The following ARHGAP22 variants were observed in gnomAD, a reference collection of about 807,000 sequenced individuals.
The protein encoded by ARHGAP22 is rho GTPase-activating protein 22.
A neutral mutation model predicts 59.1 loss-of-function variants in ARHGAP22; 48 were observed. That is an observed-to-expected ratio of 0.81 (90% confidence interval 0.64 to 1.03). The LOEUF is 1.03. Among genes scored for constraint, ARHGAP22 ranks in the 50% least tolerant of loss-of-function variants. The probability of loss-of-function intolerance (pLI) is 0.00; values close to 1 mark genes in which losing one functional copy is unlikely to be tolerated. For synonymous variants in ARHGAP22, 445 were observed against 416.4 expected, an observed-to-expected ratio of 1.07 and a Z score of -0.84; for missense variants, 1,015 against 958.7, an observed-to-expected ratio of 1.06 and a Z score of -0.78.
At chr10:48,615,601 A>G (rs1481575515) in intron 1 of ARHGAP22, among the ~76,000 whole-genome samples, 1 of 152,218 alleles carries the variant, frequency 6.6e-6, no homozygotes, top group Non-Finnish European at 1.5e-5. Context: ...TACACAAAGT[A>G]TGGCTTATTT....
Position 48,604,836 on chromosome 10 carries a change from T to G in ARHGAP22, c.-40A>C. 1 of 1,614,090 alleles carries G rather than the reference T, an allele frequency of 6.2e-7. No homozygotes were observed. Among genetic ancestry groups the G allele is most frequent in the Admixed American group, 1.7e-5 (1 of 60,032 alleles). On this transcript the variant is annotated 5_prime_UTR_variant, in exon 1 of 10. The change abolishes an upstream ATG in the 5' untranslated region. Coordinates refer to ENST00000249601, the MANE Select transcript of ARHGAP22 (RefSeq NM_021226.4). ...CCGGCCAGCCCCGCAGGGCCGTTCA[T>G]GCTGTCATCCACTTGCTTTTGCTCG...
At chr10:48,435,068 G>A in the ARHGAP22 span, 10 of 1,455,896 alleles carry the variant, frequency 6.9e-6, no homozygotes, top group Middle Eastern at 1.9e-4. Context: ...ATGGGGAGTC[G>A]GTTAGTCATT....
At chr10:48,437,883 G>A in the ARHGAP22 span, 2 of 152,236 alleles carry the variant, frequency 1.3e-5, no homozygotes, top group African/African-American at 2.4e-5. Context: ...TCATTGTTCT[G>A]TTCTATGCTA....
chr10:48,448,648 C>CA (rs2045596122), intron 9 of ARHGAP22, among the ~76,000 whole-genome samples: 1 of 144,106 alleles, frequency 6.9e-6, no homozygotes, highest in Non-Finnish European at 1.5e-5. Flanking sequence ...ACACATTCCC[C>CA]AATCACCTGC....
chr10:48,605,332 C>T (rs1002014562), upstream of ARHGAP22, among the ~76,000 whole-genome samples: 8 of 98,462 alleles, frequency 8.1e-5, no homozygotes, highest in South Asian at 3.7e-3. Flanking sequence ...TAGCCGAGAC[C>T]CCCCCCCCAC....
chr10:48,457,471 G>A (rs1180357762), intron 5 of ARHGAP22, among the ~76,000 whole-genome samples: 2 of 152,138 alleles, frequency 1.3e-5, no homozygotes, highest in Non-Finnish European at 1.5e-5. Context: ...TCTAATGCAT[G>A]TGGGTGCCCC....
intron 3 of ARHGAP22, among the ~76,000 whole-genome samples, chr10:48,489,647 G>T (rs1220895034): frequency 2.6e-5 from 4 of 151,588 alleles, no homozygotes; most frequent in African/African-American, 4.9e-5. Flanking sequence ...ACAGTTTCTG[G>T]TTTTTCCTCT....
intron 3 of ARHGAP22, among the ~76,000 whole-genome samples, chr10:48,495,004 C>T (rs79087009): frequency 8.5e-5 from 13 of 152,302 alleles, no homozygotes; most frequent in African/African-American, 2.6e-4. Context: ...CAAGGAGCTG[C>T]GCCCTCCCAC....
chr10:48,434,828 T>C, the ARHGAP22 span: 2 of 1,502,576 alleles, frequency 1.3e-6, no homozygotes, highest in Admixed American at 3.8e-5. Context: ...GCAGTGCAAG[T>C]AGCTTGATCT....
intron 5 of ARHGAP22, among the ~76,000 whole-genome samples, chr10:48,456,915 C>T (rs1034430001): frequency 7.2e-5 from 11 of 152,066 alleles, no homozygotes; most frequent in Admixed American, 7.2e-4. Context: ...TCCCCTTCCC[C>T]CCTCCAACAA....
chr10:48,573,399 T>A (rs2058517760), intron 2 of ARHGAP22, among the ~76,000 whole-genome samples: 1 of 152,178 alleles, frequency 6.6e-6, no homozygotes, highest in South Asian at 2.1e-4. Context: ...TCAAGAGAAA[T>A]CTGCCATTTT....
intron 5 of ARHGAP22, among the ~76,000 whole-genome samples, chr10:48,455,653 G>T (rs1283909890): frequency 6.6e-6 from 1 of 152,224 alleles, no homozygotes. Flanking sequence ...AGACGATGTG[G>T]GAGCTGCCTG....
chr10:48,654,821 T>A (rs143131728), upstream of ARHGAP22, among the ~76,000 whole-genome samples: 2 of 51,934 alleles, frequency 3.9e-5, no homozygotes, highest in Non-Finnish European at 4.6e-5. Flanking sequence ...TTTCTTTCTT[T>A]CTTTCTTCCT....
intron 3 of ARHGAP22, among the ~76,000 whole-genome samples, chr10:48,516,132 A>T (rs557849647): frequency 5.9e-5 from 9 of 152,202 alleles, no homozygotes; most frequent in Non-Finnish European, 1.3e-4. Context: ...CTTTAGCTAG[A>T]CTGACCAAGA....
intron 3 of ARHGAP22, among the ~76,000 whole-genome samples, chr10:48,484,779 T>C (rs546180540): frequency 5.3e-5 from 8 of 152,222 alleles, no homozygotes; most frequent in Non-Finnish European, 1.0e-4. Flanking sequence ...TTTATTATCC[T>C]TTTACTATCT....
chr10:48,615,238 C>A (rs2061035814), intron 1 of ARHGAP22, among the ~76,000 whole-genome samples: 1 of 152,202 alleles, frequency 6.6e-6, no homozygotes, highest in African/African-American at 2.4e-5. Flanking sequence ...AATTTCTGGG[C>A]TGAGTCTTGA....
intron 1 of ARHGAP22, among the ~76,000 whole-genome samples, chr10:48,633,015 A>AGGACAGGT (rs2061681389): frequency 6.6e-6 from 1 of 152,304 alleles, no homozygotes; most frequent in East Asian, 1.9e-4. Context: ...TGCCACACGG[A>AGGACAGGT]GGACATCAGT....
At chr10:48,530,483 C>T (rs530372502) in intron 3 of ARHGAP22, among the ~76,000 whole-genome samples, 1 of 152,226 alleles carries the variant, frequency 6.6e-6, no homozygotes, top group Middle Eastern at 3.4e-3. Flanking sequence ...AAACAGACAA[C>T]CCACAGAGTG....
chr10:48,652,471 G>T, exon 1 of ARHGAP22: 1 of 614,604 alleles, frequency 1.6e-6, no homozygotes, highest in Non-Finnish European at 2.9e-6. Flanking sequence ...GCCTCGCTGT[G>T]AAGAATTAGT....
Sources: allele counts gnomAD v4.1 joint callset (sites outside exome capture counted in the v4.1 genomes callset), GRCh38; gene constraint gnomAD v4.1.1; transcripts MANE v1.5; gene names NCBI Gene and HGNC (gene_info 2026-07-23, HGNC 2026-07-21).